Variants in DGKB observed in about 807,000 individuals in gnomAD.
DGKB encodes 90 kDa diacylglycerol kinase.
DGKB carries 67 observed loss-of-function variants against 114.3 expected under a neutral mutation model. The ratio of observed to expected loss-of-function variants is 0.59; its 90% confidence interval spans 0.48 to 0.72. The LOEUF (loss-of-function observed/expected upper bound fraction) is 0.72, where lower values mean the gene tolerates loss of function less well. DGKB is among the 30% of genes least tolerant of loss of function. The pLI is 0.00. For missense variants in DGKB, 907 were observed against 975.2 expected (o/e 0.93, Z 0.93); for synonymous variants, 398 against 323.1 (o/e 1.23, Z -2.49).
intron 2 of DGKB, among the ~76,000 whole-genome samples, chr7:14,826,136 A>C (rs1319880554): frequency 1.3e-5 from 2 of 152,090 alleles, no homozygotes; most frequent in Non-Finnish European, 2.9e-5. Flanking sequence ...TTAAGTGCCT[A>C]CTCAAACAAC....
chr7:14,804,644 G>A (rs1039375572), intron 2 of DGKB, among the ~76,000 whole-genome samples: 1 of 151,948 alleles, frequency 6.6e-6, no homozygotes, highest in Non-Finnish European at 1.5e-5. Flanking sequence ...ACTCCTAACA[G>A]TCTTATTTTG....
intron 23 of DGKB, among the ~76,000 whole-genome samples, chr7:14,331,963 G>C (rs968343130): frequency 6.6e-6 from 1 of 152,092 alleles, no homozygotes; most frequent in African/African-American, 2.4e-5. Flanking sequence ...GGATATGTTT[G>C]GTGCAAAGTA....
intron 2 of DGKB, among the ~76,000 whole-genome samples, chr7:14,797,250 C>T (rs1490599177): frequency 6.6e-6 from 1 of 152,124 alleles, no homozygotes; most frequent in African/African-American, 2.4e-5. Context: ...AGCCAGTTTA[C>T]AAACCTAGAA....
intron 1 of DGKB, among the ~76,000 whole-genome samples, chr7:14,854,714 G>A (rs1448700996): frequency 6.6e-6 from 1 of 152,174 alleles, no homozygotes; most frequent in Non-Finnish European, 1.5e-5. Context: ...CTGGTATGAG[G>A]CCTGTGGGCT....
At chr7:14,946,626 T>G (rs2128257739) in intron 1 of DGKB, among the ~76,000 whole-genome samples, 1 of 151,860 alleles carries the variant, frequency 6.6e-6, no homozygotes, top group African/African-American at 2.4e-5. Context: ...TCCAAATGTC[T>G]TGCACCACAA....
At chr7:14,230,343 A>G (rs1401272833) in intron 23 of DGKB, among the ~76,000 whole-genome samples, 1 of 151,986 alleles carries the variant, frequency 6.6e-6, no homozygotes, top group African/African-American at 2.4e-5. Context: ...AATACTTAGC[A>G]TGGCCTAGTC....
intron 20 of DGKB, among the ~76,000 whole-genome samples, chr7:14,565,320 T>C (rs571668373): frequency 1.1e-4 from 16 of 152,288 alleles, no homozygotes; most frequent in African/African-American, 2.6e-4. Flanking sequence ...CAGCATAGAA[T>C]AGCTCCAGGT....
At chr7:14,254,496 A>G (rs1795681571) in intron 23 of DGKB, among the ~76,000 whole-genome samples, 1 of 152,196 alleles carries the variant, frequency 6.6e-6, no homozygotes, top group Non-Finnish European at 1.5e-5. Flanking sequence ...TCAGATATAC[A>G]CTAGATAAAA....
intron 20 of DGKB, among the ~76,000 whole-genome samples, chr7:14,556,425 T>C (rs12538204): frequency 0.037 from 5,689 of 152,176 alleles, 202 homozygotes; most frequent in East Asian, 0.2. Flanking sequence ...AGCTGATTTC[T>C]CTACATAAAC....
intron 1 of DGKB, among the ~76,000 whole-genome samples, chr7:14,954,349 A>G (rs958937315): frequency 6.6e-6 from 1 of 152,098 alleles, no homozygotes; most frequent in Admixed American, 6.6e-5. Context: ...TTGGAGAAAT[A>G]CATTAAGTGT....
intron 20 of DGKB, among the ~76,000 whole-genome samples, chr7:14,492,025 C>T (rs1784664600): frequency 6.6e-6 from 1 of 151,770 alleles, no homozygotes. Context: ...GAATATAGGC[C>T]TATTACATTA....
chr7:14,209,465 G>A (rs1787394227), intron 23 of DGKB: 1 of 478,546 alleles, frequency 2.1e-6, no homozygotes, highest in Non-Finnish European at 4.3e-6. Context: ...ATTCTCTGGA[G>A]TAATGATCTT....
At chr7:14,736,434 A>G (rs907261413) in intron 4 of DGKB, among the ~76,000 whole-genome samples, 4 of 151,606 alleles carry the variant, frequency 2.6e-5, no homozygotes, top group Non-Finnish European at 4.4e-5. Context: ...CTAGTTAGAT[A>G]TTTCTATTTC....
At chr7:14,753,626 C>T (rs1031686019) in intron 4 of DGKB, among the ~76,000 whole-genome samples, 4 of 152,094 alleles carry the variant, frequency 2.6e-5, no homozygotes, top group African/African-American at 7.2e-5. Flanking sequence ...ATAGCACAGC[C>T]TTATATATCT....
At position 14,613,388 on chromosome 7, in the gene DGKB, G is replaced by T; in HGVS notation, c.1310C>A (p.Pro437Gln). 1.3e-6 allele frequency: 2 copies of T among 1,568,744 alleles called. No individual in the cohort carries two copies. Among genetic ancestry groups the T allele is most frequent in the African/African-American group, 1.4e-5 (1 of 73,870 alleles). Residue 437 changes from proline to glutamine, a missense_variant, in exon 16 of 26, where the codon CCA becomes CAA. Transcript: ENST00000402815. ...LQVTPVPGTH[P>Q]LLVFVNPKSG... ...TTTGGGGTTCACAAAAACTAAAAGT[G>T]GGTGAGTACCAGGCACAGGAGTGAC...
chr7:14,509,840 A>C (rs912443235), intron 20 of DGKB, among the ~76,000 whole-genome samples: 1 of 152,182 alleles, frequency 6.6e-6, no homozygotes, highest in Non-Finnish European at 1.5e-5. Context: ...TCCAGTAGGA[A>C]AGTGAGTCAC....
intron 1 of DGKB, among the ~76,000 whole-genome samples, chr7:14,944,056 A>C (rs1046230818): frequency 2.6e-5 from 4 of 151,824 alleles, no homozygotes; most frequent in African/African-American, 9.7e-5. Context: ...CTCATCATCG[A>C]TCCCATTGTT....
chr7:14,913,354 A>G (rs1784087772), intron 1 of DGKB, among the ~76,000 whole-genome samples: 1 of 151,310 alleles, frequency 6.6e-6, no homozygotes, highest in African/African-American at 2.4e-5. Context: ...CACTTTTTAC[A>G]TTTTCTAGAA....
At chr7:14,929,719 A>G (rs1784909329) in intron 1 of DGKB, among the ~76,000 whole-genome samples, 1 of 152,000 alleles carries the variant, frequency 6.6e-6, no homozygotes, top group African/African-American at 2.4e-5. Flanking sequence ...GAAGCTGTTT[A>G]ATTTACTTAA....
Sources: gnomAD v4.1 joint callset for allele counts (sites outside exome capture counted in the v4.1 genomes callset) on GRCh38, gnomAD v4.1.1 for gene constraint, MANE v1.5 for transcripts, NCBI Gene and HGNC (gene_info 2026-07-23, HGNC 2026-07-21) for gene names.